LEUTX: variants seen among roughly 807,000 people sequenced by gnomAD.
LEUTX encodes the protein leucine twenty homeobox, also known as paired-like homeodomain transcription factor LEUTX.
Under a neutral mutation model 4.5 loss-of-function variants are expected in LEUTX, and 5 were observed. The observed-to-expected ratio is 1.11, with a 90% CI of 0.58 to 2.34. The LOEUF (loss-of-function observed/expected upper bound fraction) is 2.34, where lower values mean the gene tolerates loss of function less well. LEUTX is among the 30% of genes most tolerant of loss of function. The probability of loss-of-function intolerance (pLI) is 0.01; values close to 1 mark genes in which losing one functional copy is unlikely to be tolerated. For missense variants in LEUTX, 233 were observed against 239.4 expected, an observed-to-expected ratio of 0.97 and a Z score of 0.18; for synonymous variants, 89 against 85.1, an observed-to-expected ratio of 1.05 and a Z score of -0.25.
At chr19:39,783,636 G>T (rs1329084324) in intron 1 of LEUTX, among the ~76,000 whole-genome samples, 2 of 151,690 alleles carry the variant, frequency 1.3e-5, no homozygotes, top group Non-Finnish European at 2.9e-5. Flanking sequence ...TAGAAGTGTT[G>T]CCTGTTCACT....
At chr19:39,783,908 G>A (rs998231845) in intron 1 of LEUTX, among the ~76,000 whole-genome samples, 6 of 152,088 alleles carry the variant, frequency 3.9e-5, no homozygotes, top group Non-Finnish European at 8.8e-5. Flanking sequence ...TGTATAGATT[G>A]TGAAGATTTT....
chr19:39,777,837 G>A (rs1967818761), upstream of LEUTX, among the ~76,000 whole-genome samples: 1 of 152,174 alleles, frequency 6.6e-6, no homozygotes, highest in South Asian at 2.1e-4. Flanking sequence ...ATACAGATGG[G>A]TCCTTCAATC....
At chr19:39,785,605 C>A in intron 2 of LEUTX, 93 bp from the exon 3 acceptor site, 1 of 925,916 alleles carries the variant, frequency 1.1e-6, no homozygotes. Context: ...GTGAGACTCT[C>A]TCTCACACCA....
At chr19:39,778,518 T>G (rs1967833095), upstream of LEUTX, among the ~76,000 whole-genome samples, 2 of 152,188 alleles carry the variant, frequency 1.3e-5, no homozygotes, top group South Asian at 4.1e-4. Context: ...ACCTTCCAGT[T>G]TGAATCATCT....
At chr19:39,779,994 A>G (rs1967861109) in intron 1 of LEUTX, among the ~76,000 whole-genome samples, 1 of 152,214 alleles carries the variant, frequency 6.6e-6, no homozygotes, top group Non-Finnish European at 1.5e-5. Context: ...AGCTTGGGCA[A>G]CAGAGCAAGA....
At chr19:39,782,353 T>C (rs1312829248) in intron 1 of LEUTX, among the ~76,000 whole-genome samples, 1 of 152,138 alleles carries the variant, frequency 6.6e-6, no homozygotes, top group Non-Finnish European at 1.5e-5. Flanking sequence ...TGAATAAGTC[T>C]CATAAGATCT....
Position 39,785,966 on chromosome 19 carries a change from T to C in LEUTX, c.428T>C (p.Ile143Thr). The change falls in exon 3 of 3, where the codon ATT becomes ACT. Residue 143 changes from isoleucine to threonine, a missense_variant. Transcript: ENST00000638280. ...TCCTGGGATTCTCAGTCATATGACA[T>C]TGAACAGATATGTCTGGGGGCTTCA... The part of the protein sequence containing the change: ...VSSWDSQSYD[I>T]EQICLGASNP... The C allele has an allele frequency of 1.3e-6, 2 of 1,551,780 alleles. No individual in the cohort carries two copies. The highest frequency in any genetic ancestry group is 1.7e-6 in the Non-Finnish European group (2 of 1,146,998).
intron 1 of LEUTX, among the ~76,000 whole-genome samples, chr19:39,780,001 A>G (rs1599616113): frequency 6.6e-6 from 1 of 152,324 alleles, no homozygotes; most frequent in South Asian, 2.1e-4. Context: ...GCAACAGAGC[A>G]AGACTCTGTC....
chr19:39,781,180 C>G (rs367674723), intron 1 of LEUTX, among the ~76,000 whole-genome samples: 125 of 152,110 alleles, frequency 8.2e-4, no homozygotes, highest in African/African-American at 2.9e-3. Flanking sequence ...AATTTTTGTT[C>G]TCCCTTTGTG....
At chr19:39,780,514 T>A (rs1967869765) in intron 1 of LEUTX, among the ~76,000 whole-genome samples, 1 of 152,216 alleles carries the variant, frequency 6.6e-6, no homozygotes, top group Non-Finnish European at 1.5e-5. Context: ...TGAATTTTTT[T>A]TAATAAATAC....
chr19:39,782,861 C>A (rs1967907082), intron 1 of LEUTX, among the ~76,000 whole-genome samples: 1 of 152,024 alleles, frequency 6.6e-6, no homozygotes, highest in Non-Finnish European at 1.5e-5. Flanking sequence ...TATTTGCATT[C>A]TAATAAAACA....
chr19:39,785,741 G>A lies in LEUTX; in HGVS notation c.203G>A (p.Arg68Gln), dbSNP rs1188849504. Reference protein sequence around the residue: ...NQRAKWKRQQRQQMQTRPSLG... With the variant: ...NQRAKWKRQQQQQMQTRPSLG... ...CGTGCCAAATGGAAGAGGCAGCAGCGGCAGCAAATGCAGACACGGCCATCA... is the reference window on the plus strand; with the variant it reads ...CGTGCCAAATGGAAGAGGCAGCAGCAGCAGCAAATGCAGACACGGCCATCA... The change falls in exon 3 of 3, where the codon CGG becomes CAG. Residue 68 changes from arginine to glutamine, a missense_variant. Arg to Gln is a conservative substitution (Grantham distance 43, BLOSUM62 1). Coordinates refer to ENST00000638280, the MANE Select transcript of LEUTX (RefSeq NM_001382345.1). The A allele has an allele frequency of 5.8e-6, 9 of 1,551,618 alleles. No individual in the cohort carries two copies. The highest frequency in any genetic ancestry group is 2.4e-5 in the East Asian group (1 of 40,936).
At chr19:39,784,087 G>A (rs1967927372) in intron 1 of LEUTX, among the ~76,000 whole-genome samples, 2 of 151,972 alleles carry the variant, frequency 1.3e-5, no homozygotes, top group African/African-American at 4.8e-5. Context: ...GGATAAAAGG[G>A]CGTCCATTGT....
At position 39,786,018 on chromosome 19, in the gene LEUTX, T is replaced by C. The variant is rs1967967588; in HGVS notation, c.480T>C (p.Phe160=). 6.4e-7 allele frequency: 1 copy of C among 1,551,730 alleles called. No homozygotes were observed. The highest frequency in any genetic ancestry group is 8.7e-7 in the Non-Finnish European group (1 of 1,146,996). The part of the protein sequence containing the change: ...ASNPPWASTL[F]EIDEFVKIYD... ...ATCCTCCTTGGGCCTCCACTCTCTT[T>C]GAAATAGATGAATTTGTAAAGATCT... The change falls in exon 3 of 3, where the codon TTT becomes TTC. Residue 160 remains phenylalanine, a synonymous_variant. Transcript: ENST00000638280.
At chr19:39,783,768 T>C (rs947407342) in intron 1 of LEUTX, among the ~76,000 whole-genome samples, 8 of 152,044 alleles carry the variant, frequency 5.3e-5, no homozygotes, top group Non-Finnish European at 7.3e-5. Context: ...TGGCCATTTG[T>C]ATATCTTTTG....
At position 39,786,023 on chromosome 19, in the gene LEUTX, T is replaced by G. The variant is rs750419185; in HGVS notation, c.485T>G (p.Ile162Arg). ...CCTTGGGCCTCCACTCTCTTTGAAA[T>G]AGATGAATTTGTAAAGATCTATGAC... The part of the protein sequence containing the change: ...NPPWASTLFE[I>R]DEFVKIYDLP... Residue 162 changes from isoleucine (I) to arginine (R), a missense_variant, in exon 3 of 3, where the codon ATA becomes AGA. Physicochemically the swap from Ile to Arg is moderately conservative, Grantham distance 97 (BLOSUM62 -3). Transcript: ENST00000638280. The G allele has an allele frequency of 5.5e-5, 86 of 1,551,744 alleles. 1 individual carries two copies. In the Middle Eastern group the frequency reaches 3.5e-3, roughly 63 times the overall value.
Position 39,785,755 on chromosome 19 carries a change from AC to A in LEUTX, c.218del (p.Thr73AsnfsTer5). The A allele has an allele frequency of 6.4e-7, 1 of 1,551,808 alleles. No homozygotes were observed. Among genetic ancestry groups the A allele is most frequent in the Non-Finnish European group, 8.7e-7 (1 of 1,147,014 alleles). On this transcript the variant is annotated frameshift_variant, in exon 3 of 3. Coordinates refer to ENST00000638280, the MANE Select transcript of LEUTX (RefSeq NM_001382345.1). LOFTEE classifies it low-confidence loss of function (END_TRUNC). ...WKRQQRQQMQ[T>X]RPSLGPANQT... ...GAGGCAGCAGCGGCAGCAAATGCAG[AC>A]ACGGCCATCACTAGGGCCAGCAAAC...
Position 39,784,532 on chromosome 19 carries a change from C to A in LEUTX, c.13C>A (p.Pro5Thr), listed in dbSNP as rs2144959424. ...TTTATCTGTTCCCTCTGCAGAAGGG[C>A]CAAGGCGTTATCGTCGGCCACGCAC... is the stretch of plus-strand genomic sequence containing the variant. MFEG[P>T]RRYRRPRTRF... Residue 5 changes from proline (P) to threonine (T), a missense_variant, in exon 2 of 3, where the codon CCA becomes ACA. Transcript: ENST00000638280. 3 of 1,025,794 alleles carry A rather than the reference C, an allele frequency of 2.9e-6. No homozygotes were observed. The highest frequency in any genetic ancestry group is 3.0e-6 in the Non-Finnish European group (2 of 667,044). The allele number at this position is 1,025,794 out of a possible 1,614,324, so 63.5% of individuals were successfully genotyped here. A position where few individuals can be genotyped will look rare whatever the true frequency, so the allele number is the denominator to read the frequency against.
At chr19:39,780,857 AT>A (rs1967874753) in intron 1 of LEUTX, among the ~76,000 whole-genome samples, 2 of 150,296 alleles carry the variant, frequency 1.3e-5, no homozygotes, top group South Asian at 4.2e-4. Flanking sequence ...TTTTTTTGTA[AT>A]TTTTTTCTAA....
Sources: allele counts gnomAD v4.1 joint callset (sites outside exome capture counted in the v4.1 genomes callset), GRCh38; gene constraint gnomAD v4.1.1; transcripts MANE v1.5; gene names NCBI Gene and HGNC (gene_info 2026-07-23, HGNC 2026-07-21).